TRIM4: variants seen among roughly 807,000 people sequenced by gnomAD.
TRIM4 encodes the protein E3 ubiquitin-protein ligase TRIM4.
TRIM4 carries 29 observed loss-of-function variants against 33.7 expected under a neutral mutation model. The ratio of observed to expected loss-of-function variants is 0.86; its 90% CI spans 0.64 to 1.17. The LOEUF (loss-of-function observed/expected upper bound fraction) is 1.17, where lower values mean the gene tolerates loss of function less well. TRIM4 is among the 50% of genes most tolerant of loss of function. TRIM4 has a pLI of 0.00. For synonymous variants in TRIM4, 224 were observed against 233.0 expected (o/e 0.96, Z 0.35); for missense variants, 554 against 593.7 (o/e 0.93, Z 0.69).
intron 4 of TRIM4, 41 bp downstream of exon 4, chr7:99,903,534 AC>A: frequency 6.2e-7 from 1 of 1,613,480 alleles, no homozygotes; most frequent in Non-Finnish European, 8.5e-7. Flanking sequence ...CTGTATCTTT[AC>A]CATGCCACCC....
chr7:99,914,852 C>A (rs1819519170), intron 1 of TRIM4, among the ~76,000 whole-genome samples: 1 of 151,824 alleles, frequency 6.6e-6, no homozygotes, highest in Admixed American at 6.6e-5. Flanking sequence ...CTCTGTCACC[C>A]AGGCTGAAGT....
intron 5 of TRIM4, among the ~76,000 whole-genome samples, chr7:99,900,518 A>G (rs1819137895): frequency 6.6e-6 from 1 of 152,208 alleles, no homozygotes; most frequent in South Asian, 2.1e-4. Context: ...ATATATATTT[A>G]TTCGTGTCAT....
In TRIM4 at chr7:99,919,305, G is replaced by A. The variant is rs372638521; in HGVS notation, c.97C>T (p.Arg33Cys). The change falls in exon 1 of 6, where the codon CGC becomes TGC. Residue 33 changes from arginine to cysteine, a missense_variant. Around this residue, in one of 3 missense-constraint regions of TRIM4, gnomAD observed 233 missense variants for 203.1 expected, o/e 1.15. Transcript: ENST00000349062. ...GCCCAGTTGCGGTGCAGGCAGCCGCGGCAGAAGTTGTGGCCGCACTCGATG... is the reference window on the plus strand; with the variant it reads ...GCCCAGTTGCGGTGCAGGCAGCCGCAGCAGAAGTTGTGGCCGCACTCGATG... Reference protein sequence around the residue: ...VSIECGHNFCRGCLHRNWAPG... With the variant: ...VSIECGHNFCCGCLHRNWAPG... 4 of 1,558,226 alleles carry A rather than the reference G, an allele frequency of 2.6e-6. No individual in the cohort carries two copies. The highest frequency in any genetic ancestry group is 1.4e-5 in the African/African-American group (1 of 72,398).
At chr7:99,914,885 C>T (rs1208069673) in intron 1 of TRIM4, among the ~76,000 whole-genome samples, 1 of 151,822 alleles carries the variant, frequency 6.6e-6, no homozygotes, top group Non-Finnish European at 1.5e-5. Flanking sequence ...TCTCGGCTCA[C>T]TGCAACCTCC....
chr7:99,911,830 A>G (rs530737141), intron 1 of TRIM4, among the ~76,000 whole-genome samples: 1 of 152,370 alleles, frequency 6.6e-6, no homozygotes, highest in South Asian at 2.1e-4. Context: ...ATAGACCTGT[A>G]CAAGAATATT....
chr7:99,904,184 A>G (rs1204513648), intron 3 of TRIM4, among the ~76,000 whole-genome samples: 1 of 152,220 alleles, frequency 6.6e-6, no homozygotes, highest in Non-Finnish European at 1.5e-5. Context: ...TTACAGACCC[A>G]TTTTACTTAA....
intron 1 of TRIM4, among the ~76,000 whole-genome samples, chr7:99,918,290 G>A (rs959410755): frequency 2.6e-5 from 4 of 152,144 alleles, no homozygotes; most frequent in African/African-American, 4.8e-5. Context: ...CATTGAGGCC[G>A]GGCGTGGTGA....
Position 99,909,663 on chromosome 7 carries a change from G to T in TRIM4, c.394-3C>A, listed in dbSNP as rs1307999685. 6.2e-7 allele frequency: 1 copy of T among 1,610,346 alleles called. No homozygotes were observed. The highest frequency in any genetic ancestry group is 1.1e-5 in the South Asian group (1 of 90,940). On this transcript the variant is annotated splice_polypyrimidine_tract_variant and splice_region_variant and intron_variant, in intron 1 of 5. Transcript: ENST00000349062. The stretch of plus-strand genomic sequence containing the variant: ...CGCTGAGACTTAAGAAGTTTCTCCT[G>T]CCAGCAGAAACACACACAGGTAAGA...
intron 5 of TRIM4, chr7:99,901,016 T>C (rs1161943981): frequency 6.6e-6 from 1 of 152,216 alleles, no homozygotes; most frequent in Non-Finnish European, 1.5e-5. Context: ...TGTCTTCAAG[T>C]ATTTTTCCTA....
intron 1 of TRIM4, among the ~76,000 whole-genome samples, chr7:99,917,207 G>A (rs138817966): frequency 1.0e-3 from 159 of 152,268 alleles, no homozygotes; most frequent in African/African-American, 3.5e-3. Flanking sequence ...TGTTGTACAC[G>A]CTTAAGTTCC....
chr7:99,914,496 C>T (rs1480181832), intron 1 of TRIM4, among the ~76,000 whole-genome samples: 1 of 152,184 alleles, frequency 6.6e-6, no homozygotes, highest in African/African-American at 2.4e-5. Flanking sequence ...TATTGTCACT[C>T]TCCTGCTCAA....
chr7:99,907,865 G>T (rs1408709002), intron 3 of TRIM4, among the ~76,000 whole-genome samples: 1 of 152,162 alleles, frequency 6.6e-6, no homozygotes, highest in Admixed American at 6.5e-5. Context: ...CACGTGATAT[G>T]GAGGAAAGAG....
intron 1 of TRIM4, among the ~76,000 whole-genome samples, chr7:99,912,329 G>A (rs939074383): frequency 8.5e-5 from 13 of 152,058 alleles, no homozygotes; most frequent in African/African-American, 2.4e-4. Flanking sequence ...CCAAGAGTTC[G>A]AGACCAGCCT....
intron 1 of TRIM4, among the ~76,000 whole-genome samples, chr7:99,915,054 C>G (rs764750145): frequency 2.0e-5 from 3 of 152,208 alleles, no homozygotes; most frequent in Non-Finnish European, 4.4e-5. Context: ...AAGGGATCCT[C>G]GCGTCTCAGC....
chr7:99,893,291 G>C (rs1273939298), intron 5 of TRIM4, among the ~76,000 whole-genome samples: 2 of 151,936 alleles, frequency 1.3e-5, no homozygotes, highest in Non-Finnish European at 2.9e-5. Context: ...CTAACCTCTA[G>C]AAACTGGGGA....
At chr7:99,914,683 G>A (rs1215859902) in intron 1 of TRIM4, among the ~76,000 whole-genome samples, 2 of 152,052 alleles carry the variant, frequency 1.3e-5, no homozygotes, top group South Asian at 2.1e-4. Flanking sequence ...GCTCTCCCCC[G>A]CCTCAGGGCC....
chr7:99,893,968 T>TA (rs552632576), intron 5 of TRIM4, among the ~76,000 whole-genome samples: 1 of 111,530 alleles, frequency 9.0e-6, no homozygotes, highest in African/African-American at 3.1e-5. Context: ...ATGGTTTTCC[T>TA]TTTTTTTTTT....
chr7:99,899,024 G>C (rs567070733), intron 5 of TRIM4, among the ~76,000 whole-genome samples: 2 of 152,302 alleles, frequency 1.3e-5, no homozygotes, highest in South Asian at 2.1e-4. Flanking sequence ...GGAAGTTGCA[G>C]AGAATGACGT....
chr7:99,895,590 A>G (rs1450341165), intron 5 of TRIM4, among the ~76,000 whole-genome samples: 3 of 152,220 alleles, frequency 2.0e-5, no homozygotes, highest in African/African-American at 7.2e-5. Flanking sequence ...AGTCTACTAT[A>G]TCCCTGCTGA....
Sources: allele counts gnomAD v4.1 joint callset (sites outside exome capture counted in the v4.1 genomes callset), GRCh38; gene constraint gnomAD v4.1.1; regional missense constraint gnomAD v4.1.1; transcripts MANE v1.5; gene names NCBI Gene and HGNC (gene_info 2026-07-23, HGNC 2026-07-21).